Variants in NCAPG2 observed in about 807,000 individuals in gnomAD.
NCAPG2 encodes condensin-2 complex subunit G2.
A neutral mutation model predicts 141.1 loss-of-function variants in NCAPG2; 53 were observed. That is an observed-to-expected ratio of 0.38 (90% CI 0.30 to 0.47). The LOEUF is 0.47. Among genes scored for constraint, NCAPG2 ranks in the 20% least tolerant of loss-of-function variants. The pLI, the probability that NCAPG2 is intolerant of heterozygous loss-of-function variation, is 0.99. For synonymous variants in NCAPG2, 499 were observed against 490.7 expected (o/e 1.02, Z -0.22); for missense variants, 1,087 against 1,389.0 (o/e 0.78, Z 3.46).
intron 4 of NCAPG2, among the ~76,000 whole-genome samples, chr7:158,692,633 A>G (rs899687565): frequency 2.0e-5 from 3 of 152,116 alleles, no homozygotes; most frequent in African/African-American, 4.8e-5. Context: ...CCCAGCTACT[A>G]GGGAGGCTGA....
chr7:158,654,650 A>G lies in NCAPG2; in HGVS notation c.2691T>C (p.Gly897=), dbSNP rs1352286118. ...AGAGTTGCATCTGAAACTGATGGTC[A>G]CCAAGGCCTACCATAACAACATCTT... ...VCKDVVMVGL[G]DHQFQMQLLQ... The change falls in exon 22 of 28, where the codon GGT becomes GGC. Residue 897 remains glycine, a synonymous_variant. Coordinates refer to ENST00000356309, the MANE Select transcript of NCAPG2 (RefSeq NM_017760.7). 6.2e-7 allele frequency: 1 copy of G among 1,614,180 alleles called. No individual in the cohort carries two copies. The highest frequency in any genetic ancestry group is 2.2e-5 in the East Asian group (1 of 44,884).
chr7:158,656,763 G>A, intron 17 of NCAPG2, 58 bp from the exon 18 acceptor site: 1 of 1,564,682 alleles, frequency 6.4e-7, no homozygotes. Flanking sequence ...CCCCAACTTT[G>A]TCAAAAGGTG....
chr7:158,652,198 C>T (rs1262790968), intron 23 of NCAPG2, 95 bp downstream of exon 23: 1 of 1,266,702 alleles, frequency 7.9e-7, no homozygotes, highest in African/African-American at 1.5e-5. Context: ...GTCACCCGAG[C>T]GTGAACAGCA....
chr7:158,646,452 G>T lies in NCAPG2; in HGVS notation c.3179+8C>A, dbSNP rs377058814. ...AGCATTTCAGGACAGTAAAGAGAAA[G>T]TGATTACCTGACCACATTCGAAGAC... On this transcript the variant is annotated splice_region_variant and intron_variant, in intron 25 of 27. Transcript: ENST00000356309. 2.8e-5 allele frequency: 44 copies of T among 1,586,720 alleles called. No homozygotes were observed. In the Admixed American group the frequency reaches 7.5e-4, roughly 27 times the overall value.
chr7:158,687,999 G>T (rs1587278693), intron 6 of NCAPG2, among the ~76,000 whole-genome samples: 1 of 152,080 alleles, frequency 6.6e-6, no homozygotes, highest in East Asian at 1.9e-4. Flanking sequence ...CTGAACCTAA[G>T]AAGAATGAAT....
At chr7:158,690,350 C>T (rs137885864) in intron 5 of NCAPG2, among the ~76,000 whole-genome samples, 130 of 152,198 alleles carry the variant, frequency 8.5e-4, no homozygotes, top group African/African-American at 2.9e-3. Context: ...GTGGCTACTA[C>T]GTTGAATAGC....
intron 1 of NCAPG2, among the ~76,000 whole-genome samples, chr7:158,704,512 G>A (rs1446611378): frequency 6.6e-6 from 1 of 152,196 alleles, no homozygotes; most frequent in East Asian, 1.9e-4. Flanking sequence ...AAGAAGGACG[G>A]GCGTCGCTGA....
chr7:158,666,051 G>A (rs1832908421), intron 13 of NCAPG2, among the ~76,000 whole-genome samples: 1 of 152,164 alleles, frequency 6.6e-6, no homozygotes, highest in Admixed American at 6.5e-5. Context: ...AGTGGACAGG[G>A]CCAAGGTTCC....
intron 27 of NCAPG2, among the ~76,000 whole-genome samples, chr7:158,634,083 T>G (rs1830041061): frequency 6.6e-6 from 1 of 152,170 alleles, no homozygotes; most frequent in Non-Finnish European, 1.5e-5. Context: ...ATTGTCTCCT[T>G]AAGTGAACAT....
intron 13 of NCAPG2, chr7:158,668,377 G>C (rs1239923170): frequency 1.0e-6 from 1 of 981,696 alleles, no homozygotes; most frequent in Non-Finnish European, 1.2e-6. Flanking sequence ...CCACTACTGG[G>C]TCCCTCCGCC....
intron 9 of NCAPG2, among the ~76,000 whole-genome samples, chr7:158,682,343 G>A (rs1834500513): frequency 6.8e-6 from 1 of 147,836 alleles, no homozygotes; most frequent in Non-Finnish European, 1.5e-5. Context: ...CTGGGATGGG[G>A]GTGGGGGGTG....
intron 27 of NCAPG2, among the ~76,000 whole-genome samples, chr7:158,632,441 C>T (rs1427815935): frequency 6.6e-6 from 1 of 152,216 alleles, no homozygotes; most frequent in Non-Finnish European, 1.5e-5. Flanking sequence ...TCCTGCATGG[C>T]TCCAATGCTT....
chr7:158,669,854 T>C (rs1263429017), intron 13 of NCAPG2, among the ~76,000 whole-genome samples: 1 of 150,538 alleles, frequency 6.6e-6, no homozygotes, highest in African/African-American at 2.4e-5. Flanking sequence ...TTGCCCAGGC[T>C]GGTCTCACAC....
At chr7:158,672,299 T>C (rs1833756561) in intron 12 of NCAPG2, among the ~76,000 whole-genome samples, 1 of 20,556 alleles carries the variant, frequency 4.9e-5, no homozygotes, top group South Asian at 2.1e-3. Context: ...TGTGTATATA[T>C]ATATATATAT....
In NCAPG2 at chr7:158,648,561, A is replaced by G. The variant is rs557296377; in HGVS notation, c.3076-1998T>C. Among the ~76,000 whole-genome samples the G allele has an allele frequency of 8.7e-5, 12 of 138,178 alleles. 1 individual carries two copies. The highest frequency in any genetic ancestry group is 6.6e-4 in the East Asian group (3 of 4,568). 90.7% of individuals were successfully genotyped at this position (138,178 alleles called of 152,430 possible). A position where few individuals can be genotyped will look rare whatever the true frequency, so the allele number is the denominator to read the frequency against. On this transcript the variant is annotated intron_variant, in intron 24 of 27. Coordinates refer to ENST00000356309, the MANE Select transcript of NCAPG2 (RefSeq NM_017760.7). ...CGACAACCACGGCAAATGGACGACAACCACGCCAAATGGACGACAACCACG... is the reference window on the plus strand; with the variant it reads ...CGACAACCACGGCAAATGGACGACAGCCACGCCAAATGGACGACAACCACG...
chr7:158,669,321 C>T (rs1479516730), intron 13 of NCAPG2, among the ~76,000 whole-genome samples: 3 of 152,042 alleles, frequency 2.0e-5, no homozygotes, highest in Non-Finnish European at 2.9e-5. Flanking sequence ...GTATTTCTGC[C>T]TCTAGGTCTC....
At chr7:158,695,619 A>T (rs1202484754) in intron 2 of NCAPG2, among the ~76,000 whole-genome samples, 2 of 152,218 alleles carry the variant, frequency 1.3e-5, no homozygotes, top group Non-Finnish European at 2.9e-5. Flanking sequence ...AAGGGCAAGG[A>T]AAGGATGGGG....
chr7:158,693,086 G>A (rs1835230712), intron 3 of NCAPG2, 130 bp from the exon 4 acceptor site: 1 of 819,432 alleles, frequency 1.2e-6, no homozygotes, highest in South Asian at 1.9e-5. Context: ...AAGAATTAAA[G>A]TTGAATAAAA....
intron 11 of NCAPG2, among the ~76,000 whole-genome samples, chr7:158,677,854 A>T (rs558351671): frequency 6.6e-6 from 1 of 152,284 alleles, no homozygotes; most frequent in Admixed American, 6.5e-5. Flanking sequence ...TCTGTCACCC[A>T]GGCTGGAGTA....
Sources: gnomAD v4.1 joint callset for allele counts (sites outside exome capture counted in the v4.1 genomes callset) on GRCh38, gnomAD v4.1.1 for gene constraint, MANE v1.5 for transcripts, NCBI Gene and HGNC (gene_info 2026-07-23, HGNC 2026-07-21) for gene names.